The following ENO1 variants were observed in gnomAD, a reference collection of about 807,000 sequenced individuals.
ENO1 encodes alpha-enolase.
In ENO1, 33 loss-of-function variants were observed where a neutral mutation model predicts 46.3. That is an observed-to-expected ratio of 0.71 (90% CI 0.54 to 0.95). The LOEUF (loss-of-function observed/expected upper bound fraction) is 0.95, where lower values mean the gene tolerates loss of function less well. ENO1 is among the 40% of genes least tolerant of loss of function. The probability of loss-of-function intolerance (pLI) is 0.00; values close to 1 mark genes in which losing one functional copy is unlikely to be tolerated. For synonymous variants in ENO1, 220 were observed against 216.0 expected, an observed-to-expected ratio of 1.02 and a Z score of -0.16; for missense variants, 488 against 553.3, an observed-to-expected ratio of 0.88 and a Z score of 1.18.
intron 1 of ENO1, among the ~76,000 whole-genome samples, chr1:8,876,547 A>C (rs1442612587): frequency 6.6e-6 from 1 of 152,166 alleles, no homozygotes; most frequent in African/African-American, 2.4e-5. Flanking sequence ...ATACTTTTAA[A>C]GGCAATTTTA....
In ENO1 at chr1:8,871,949, A is replaced by G; in HGVS notation, c.123T>C (p.Thr41=). ...GGAGCTCTAGGGCCTCATAGATACCAGTTGAAGCACCACTGGGCACAGCAG... is the reference window on the plus strand; with the variant it reads ...GGAGCTCTAGGGCCTCATAGATACCGGTTGAAGCACCACTGGGCACAGCAG... The part of the protein sequence containing the change: ...FRAAVPSGAS[T]GIYEALELRD... The change falls in exon 3 of 12, where the codon ACT becomes ACC. Residue 41 remains threonine, a synonymous_variant. Coordinates refer to ENST00000234590, the MANE Select transcript of ENO1 (RefSeq NM_001428.5). 1.2e-6 allele frequency: 2 copies of G among 1,614,190 alleles called. No homozygotes were observed. Among genetic ancestry groups the G allele is most frequent in the Non-Finnish European group, 1.7e-6 (2 of 1,180,020 alleles).
At chr1:8,871,370 AC>A in intron 3 of ENO1, 11 of 992,024 alleles carry the variant, frequency 1.1e-5, no homozygotes, top group Non-Finnish European at 1.3e-5. Flanking sequence ...CAATTTGAAT[AC>A]AGCCAGAGGC....
Position 8,862,963 on chromosome 1 carries a change from C to T in ENO1, c.1177-18G>A, listed in dbSNP as rs771475689. The T allele has an allele frequency of 1.9e-6, 3 of 1,613,792 alleles. No homozygotes were observed. The South Asian group carries it at 3.3e-5, about 18-fold the overall frequency. On this transcript the variant is annotated intron_variant, in intron 10 of 11. Coordinates refer to ENST00000234590, the MANE Select transcript of ENO1 (RefSeq NM_001428.5). ...GTCTTGATCTAGGAGAAAAGAAAGG[C>T]CATTTGCTTACAGCGGACAAGCTTT...
At chr1:8,866,582 C>G (rs1232274342) in intron 6 of ENO1, 81 bp from the exon 7 acceptor site, 1 of 1,453,228 alleles carries the variant, frequency 6.9e-7, no homozygotes, top group Non-Finnish European at 9.6e-7. Context: ...TCCTACCATC[C>G]CAATCTAGCT....
In ENO1 at chr1:8,871,999, A is replaced by G. The variant is rs747477157; in HGVS notation, c.86-13T>C. 55 of 1,610,444 alleles carry G rather than the reference A, an allele frequency of 3.4e-5. 2 individuals carry two copies. The South Asian group carries it at 4.4e-4, about 13-fold the overall frequency. On this transcript the variant is annotated splice_polypyrimidine_tract_variant and intron_variant, in intron 2 of 11. Coordinates refer to ENST00000234590, the MANE Select transcript of ENO1 (RefSeq NM_001428.5). ...GCTCTGAAGAGACCTGGATGAGAGG[A>G]AAAAAGATGTAGTAGCAATTCAGAA...
intron 4 of ENO1, among the ~76,000 whole-genome samples, chr1:8,869,582 C>CAA (rs991833385): frequency 3.9e-5 from 6 of 152,034 alleles, no homozygotes; most frequent in African/African-American, 1.5e-4. Flanking sequence ...TTTTTTGAGA[C>CAA]AGAGTCTCAC....
Position 8,865,485 on chromosome 1 carries a change from G to C in ENO1, c.668-3C>G, listed in dbSNP as rs111542973. 2 of 1,612,530 alleles carry C rather than the reference G, an allele frequency of 1.2e-6. No homozygotes were observed. Among genetic ancestry groups the C allele is most frequent in the East Asian group, 2.2e-5 (1 of 44,880 alleles). ...AGCAGTCTTCAGCAGCTCCAGGCCT[G>C]GGAAGAGATGGTGACAACAGGTTTG... On this transcript the variant is annotated splice_region_variant and splice_polypyrimidine_tract_variant and intron_variant, in intron 7 of 11. Coordinates refer to ENST00000234590, the MANE Select transcript of ENO1 (RefSeq NM_001428.5).
chr1:8,863,142 G>T, intron 10 of ENO1, 93 bp downstream of exon 10: 3 of 1,473,472 alleles, frequency 2.0e-6, no homozygotes, highest in East Asian at 2.4e-5. Context: ...CAGGGGACAT[G>T]AGCAAAACGG....
At position 8,865,357 on chromosome 1, in the gene ENO1, C is replaced by G; in HGVS notation, c.793G>C (p.Asp265His). The G allele has an allele frequency of 6.2e-7, 1 of 1,614,160 alleles. No homozygotes were observed. Among genetic ancestry groups the G allele is most frequent in the South Asian group, 1.1e-5 (1 of 91,088 alleles). Residue 265 changes from aspartate (D) to histidine (H), a missense_variant, in exon 8 of 12, where the codon GAT (aspartate) becomes CAT (histidine). Transcript: ENST00000234590. ...GKYDLDFKSP[D>H]DPSRYISPDQ... is the part of the protein sequence containing the mutation. ...GGCGAGATGTACCTGCTGGGGTCAT[C>G]GGGAGACTTGAAGTCCAGGTCATAC...
Position 8,863,275 on chromosome 1 carries a change from G to GT in ENO1, c.1135dup (p.Thr379AsnfsTer5). 6.2e-7 allele frequency: 1 copy of GT among 1,614,148 alleles called. No homozygotes were observed. Among genetic ancestry groups the GT allele is most frequent in the Non-Finnish European group, 8.5e-7 (1 of 1,180,030 alleles). On this transcript the variant is annotated frameshift_variant, in exon 10 of 12. Coordinates refer to ENST00000234590, the MANE Select transcript of ENO1 (RefSeq NM_001428.5). LOFTEE classifies it high-confidence loss of function. Reference sequence around the variant, plus strand: ...CCCCACAACCAGGTCAGCGATGAAGGTATCTTCAGTCTCCCCCGAACGATG... The same window carrying GT: ...CCCCACAACCAGGTCAGCGATGAAGGTTATCTTCAGTCTCCCCCGAACGATG...
intron 1 of ENO1, chr1:8,875,943 T>C (rs994309743): frequency 6.6e-6 from 1 of 152,136 alleles, no homozygotes; most frequent in African/African-American, 2.4e-5. Context: ...TAATTATTTC[T>C]TCCCAACGGG....
At chr1:8,872,638 C>T (rs1642657681) in intron 2 of ENO1, among the ~76,000 whole-genome samples, 1 of 152,124 alleles carries the variant, frequency 6.6e-6, no homozygotes, top group Admixed American at 6.5e-5. Context: ...CCACCTCGGC[C>T]TCCCAAAATG....
chr1:8,866,254 G>C lies in ENO1; in HGVS notation c.667+25C>G, dbSNP rs1034484804. On this transcript the variant is annotated intron_variant, in intron 7 of 11. Transcript: ENST00000234590. ...GAGCTGGCGCTGCAGGGCTGGGTGG[G>C]GGGGCGGTTCCCTAGCGCCTTTACC... 2.5e-6 allele frequency: 4 copies of C among 1,610,436 alleles called. No individual in the cohort carries two copies. In the East Asian group the frequency reaches 6.7e-5, roughly 27 times the overall value.
In ENO1 at chr1:8,865,499, A is replaced by AC; in HGVS notation, c.668-18dup. ...GCTCCAGGCCTGGGAAGAGATGGTG[A>AC]CAACAGGTTTGGAAAACAGGTAGGT... On this transcript the variant is annotated splice_polypyrimidine_tract_variant and intron_variant, in intron 7 of 11. Transcript: ENST00000234590. 6.2e-7 allele frequency: 1 copy of AC among 1,612,054 alleles called. No individual in the cohort carries two copies. Among genetic ancestry groups the AC allele is most frequent in the Admixed American group, 1.7e-5 (1 of 60,004 alleles).
rs578199667 is a variant in ENO1 at position 8,861,526 on chromosome 1, C to A, written c.1236-97G>T. 5.5e-5 allele frequency: 69 copies of A among 1,251,822 alleles called. No individual in the cohort carries two copies. In the African/African-American group the frequency reaches 9.2e-4, roughly 17 times the overall value. 77.5% of individuals were successfully genotyped at this position (1,251,822 alleles called of 1,614,324 possible). A position where few individuals can be genotyped will look rare whatever the true frequency, so the allele number is the denominator to read the frequency against. ...ATCCTAGATGTGGTCAAAGACACAGCCCCACTCCTGGGAAGTTGAGAACAC... is the reference window on the plus strand; with the variant it reads ...ATCCTAGATGTGGTCAAAGACACAGACCCACTCCTGGGAAGTTGAGAACAC... On this transcript the variant is annotated intron_variant, in intron 11 of 11. Coordinates refer to ENST00000234590, the MANE Select transcript of ENO1 (RefSeq NM_001428.5).
chr1:8,863,175 G>T, intron 10 of ENO1, 60 bp downstream of exon 10: 1 of 1,584,830 alleles, frequency 6.3e-7, no homozygotes, highest in East Asian at 2.3e-5. Context: ...AGCCTCACTG[G>T]TTTTGGGTCT....
rs1161304155 is a variant in ENO1, at chr1:8,871,948, C to A, written c.124G>T (p.Gly42Cys). The A allele has an allele frequency of 6.2e-7, 1 of 1,614,126 alleles. No individual in the cohort carries two copies. Among genetic ancestry groups the A allele is most frequent in the Admixed American group, 1.7e-5 (1 of 60,010 alleles). ...CGGAGCTCTAGGGCCTCATAGATAC[C>A]AGTTGAAGCACCACTGGGCACAGCA... ...RAAVPSGASTGIYEALELRDN... is the reference protein window; with the variant it reads ...RAAVPSGASTCIYEALELRDN... Residue 42 changes from glycine to cysteine, a missense_variant, in exon 3 of 12, where the codon GGT becomes TGT. By Grantham distance (159) the Gly-to-Cys change is radical. Transcript: ENST00000234590.
intron 9 of ENO1, 77 bp downstream of exon 9, chr1:8,863,814 T>C: frequency 6.7e-7 from 1 of 1,493,232 alleles, no homozygotes; most frequent in Non-Finnish European, 9.3e-7. Flanking sequence ...GGATTCCCCA[T>C]CACCAGAACA....
intron 1 of ENO1, 78 bp from the exon 2 acceptor site, chr1:8,874,995 C>T (rs554035968): frequency 5.5e-4 from 690 of 1,264,484 alleles, no homozygotes; most frequent in Non-Finnish European, 7.5e-4. Flanking sequence ...GAATCACTTC[C>T]GAGGTTCGTG....
Sources: allele counts gnomAD v4.1 joint callset (sites outside exome capture counted in the v4.1 genomes callset), GRCh38; gene constraint gnomAD v4.1.1; transcripts MANE v1.5; gene names NCBI Gene and HGNC (gene_info 2026-07-23, HGNC 2026-07-21).